Variants in HPSE2 observed in about 807,000 individuals in gnomAD.
HPSE2 encodes inactive heparanase-2.
A neutral mutation model predicts 60.5 loss-of-function variants in HPSE2; 38 were observed. The observed-to-expected ratio is 0.63, with a 90% CI of 0.48 to 0.82. The LOEUF (loss-of-function observed/expected upper bound fraction) is 0.82, where lower values mean the gene tolerates loss of function less well. Ranked by LOEUF, HPSE2 falls within the 40% of genes least tolerant of loss-of-function variation. The probability of loss-of-function intolerance (pLI) is 0.00; values close to 1 mark genes in which losing one functional copy is unlikely to be tolerated. For synonymous variants in HPSE2, 295 were observed against 293.2 expected (o/e 1.01, Z -0.06); for missense variants, 713 against 740.4 (o/e 0.96, Z 0.43).
Position 99,144,458 on chromosome 10 carries a change from C to T in HPSE2, c.449-59G>A, listed in dbSNP as rs1380441486. On this transcript the variant is annotated intron_variant, in intron 2 of 11. Transcript: ENST00000370552. ...AACTAAAACAAAACAAAAAATAATA[C>T]ATCATCAAAGTCTTGTTTCACCCAA... 12 of 1,584,182 alleles carry T rather than the reference C, an allele frequency of 7.6e-6. No homozygotes were observed. The East Asian group carries it at 1.1e-4, about 15-fold the overall frequency.
At chr10:99,040,677 CTATAG>C (rs1340295099) in intron 3 of HPSE2, among the ~76,000 whole-genome samples, 1 of 151,892 alleles carries the variant, frequency 6.6e-6, no homozygotes, top group Non-Finnish European at 1.5e-5. Flanking sequence ...TTCCACATCT[CTATAG>C]TATAGTAACA....
At chr10:98,738,051 T>C (rs1307424189) in intron 4 of HPSE2, among the ~76,000 whole-genome samples, 2 of 152,176 alleles carry the variant, frequency 1.3e-5, no homozygotes, top group African/African-American at 2.4e-5. Flanking sequence ...AGAACAAAGC[T>C]GGAGGCATCA....
At chr10:98,709,631 T>C (rs955424597) in intron 5 of HPSE2, among the ~76,000 whole-genome samples, 5 of 152,214 alleles carry the variant, frequency 3.3e-5, no homozygotes, top group Non-Finnish European at 7.3e-5. Flanking sequence ...GCCATTCTGC[T>C]ACTATAGAAA....
At chr10:98,620,808 C>T (rs1452415104) in intron 7 of HPSE2, 100 bp from the exon 8 acceptor site, 1 of 852,150 alleles carries the variant, frequency 1.2e-6, no homozygotes, top group Non-Finnish European at 1.9e-6. Context: ...ATCTGATTTC[C>T]TGTTTTCAGG....
chr10:98,465,747 G>A (rs1002456142), intron 11 of HPSE2, among the ~76,000 whole-genome samples: 2 of 152,190 alleles, frequency 1.3e-5, no homozygotes, highest in Middle Eastern at 3.4e-3. Context: ...TAAATGGCTC[G>A]TGACTTTTTA....
intron 9 of HPSE2, among the ~76,000 whole-genome samples, chr10:98,598,513 C>T (rs965155553): frequency 5.3e-5 from 8 of 152,134 alleles, no homozygotes; most frequent in Non-Finnish European, 1.2e-4. Flanking sequence ...CTGGTGTGGG[C>T]CTTGAGCCTG....
the HPSE2 span, among the ~76,000 whole-genome samples, chr10:99,265,945 A>C: frequency 5.3e-5 from 8 of 152,216 alleles, no homozygotes; most frequent in Non-Finnish European, 1.2e-4. Context: ...AGTGAAATAC[A>C]GGGGTAGAAG....
chr10:99,228,824 A>G (rs1055955780), intron 2 of HPSE2, among the ~76,000 whole-genome samples: 2 of 152,196 alleles, frequency 1.3e-5, no homozygotes, highest in Non-Finnish European at 2.9e-5. Context: ...GGAAAACAGA[A>G]GACACATGAG....
the HPSE2 span, among the ~76,000 whole-genome samples, chr10:99,257,653 C>CTGGTCCTG: frequency 6.6e-6 from 1 of 152,172 alleles, no homozygotes; most frequent in Non-Finnish European, 1.5e-5. Flanking sequence ...TAATTTAGCC[C>CTGGTCCTG]TGGTCCTGTG....
rs181539701 is a variant in HPSE2 at position 98,705,582 on chromosome 10, G to A, written c.957-11635C>T. Among the ~76,000 whole-genome samples the A allele has an allele frequency of 1.4e-3, 208 of 152,250 alleles. 2 individuals are homozygous for A. Among genetic ancestry groups the A allele is most frequent in the African/African-American group, 4.8e-3 (198 of 41,550 alleles). On this transcript the variant is annotated intron_variant, in intron 5 of 11. Transcript: ENST00000370552. ...CATGGAATAATACGCAGCCTTAAAA[G>A]GAATGAAATCATGTCCTTTGCAGTG...
chr10:98,586,502 CTT>C (rs555686490), intron 9 of HPSE2, among the ~76,000 whole-genome samples: 5 of 152,166 alleles, frequency 3.3e-5, no homozygotes, highest in Non-Finnish European at 5.9e-5. Flanking sequence ...AAATGGGAAA[CTT>C]AATATCAAAT....
the HPSE2 span, among the ~76,000 whole-genome samples, chr10:99,244,380 C>CTTTT: frequency 9.8e-6 from 1 of 101,762 alleles, no homozygotes; most frequent in African/African-American, 2.9e-5. Context: ...ATTTTTATTT[C>CTTTT]TTTTATTATT....
In HPSE2 at chr10:98,589,492, G is replaced by T. The variant is rs558443026; in HGVS notation, c.1320+25412C>A. ...TCCAATCCTGGCTCATCACTTTTTA[G>T]CATGAGTTGAAATCTTCCTCCTTTT... On this transcript the variant is annotated intron_variant, in intron 9 of 11. Transcript: ENST00000370552. Among the ~76,000 whole-genome samples the T allele has an allele frequency of 2.6e-5, 4 of 152,278 alleles. No homozygotes were observed. The South Asian group carries it at 8.3e-4, about 32-fold the overall frequency.
In HPSE2 at chr10:99,195,459, A is replaced by AAAAC. The variant is rs1185637169; in HGVS notation, c.448+36885_448+36888dup. 3.9e-5 allele frequency among the ~76,000 whole-genome samples: 6 copies of AAAAC among 152,196 alleles called. No homozygotes were observed. In the South Asian group the frequency reaches 1.0e-3, roughly 26 times the overall value. ...CATGATATAATCTTATATTTGGAAA[A>AAAAC]AAACAAAGACTCCATTAAAAAAAAA... On this transcript the variant is annotated intron_variant, in intron 2 of 11. Transcript: ENST00000370552.
At chr10:99,033,396 T>A (rs538968221) in intron 3 of HPSE2, among the ~76,000 whole-genome samples, 1 of 152,118 alleles carries the variant, frequency 6.6e-6, no homozygotes, top group South Asian at 2.1e-4. Context: ...AGATGGCAAA[T>A]AAGCATATGA....
intron 5 of HPSE2, among the ~76,000 whole-genome samples, chr10:98,701,873 A>G (rs187470847): frequency 2.2e-4 from 34 of 152,304 alleles, no homozygotes; most frequent in African/African-American, 7.9e-4. Context: ...TATAAAGACC[A>G]ATGACACTAT....
At chr10:98,834,718 G>A (rs2134667057) in intron 3 of HPSE2, among the ~76,000 whole-genome samples, 1 of 152,230 alleles carries the variant, frequency 6.6e-6, no homozygotes, top group East Asian at 1.9e-4. Context: ...CTACATATCT[G>A]TATGAGGGCA....
intron 3 of HPSE2, among the ~76,000 whole-genome samples, chr10:98,989,462 C>G (rs112216472): frequency 0.12 from 17,065 of 141,440 alleles, 1,040 homozygotes; most frequent in South Asian, 0.21. Flanking sequence ...CACATGGACA[C>G]AGGAAGGGGA....
At chr10:99,292,837 G>A in the HPSE2 span, among the ~76,000 whole-genome samples, 1 of 151,990 alleles carries the variant, frequency 6.6e-6, no homozygotes, top group Non-Finnish European at 1.5e-5. Context: ...AACCACATGT[G>A]AGCTACCTTA....
Sources: gnomAD v4.1 joint callset for allele counts (sites outside exome capture counted in the v4.1 genomes callset) on GRCh38, gnomAD v4.1.1 for gene constraint, MANE v1.5 for transcripts, NCBI Gene and HGNC (gene_info 2026-07-23, HGNC 2026-07-21) for gene names.